The following ARB2A variants were observed in gnomAD, a reference collection of about 807,000 sequenced individuals.
ARB2A encodes cotranscriptional regulator ARB2A.
At chr5:93,856,040 C>T in the ARB2A span, among the ~76,000 whole-genome samples, 2 of 151,706 alleles carry the variant, frequency 1.3e-5, no homozygotes, top group African/African-American at 4.9e-5. Flanking sequence ...AAATTCAAAC[C>T]AAAGACAAAG....
At chr5:93,758,395 G>A in the ARB2A span, among the ~76,000 whole-genome samples, 1 of 152,066 alleles carries the variant, frequency 6.6e-6, no homozygotes, top group Non-Finnish European at 1.5e-5. Context: ...GGAACAAATG[G>A]ACTTATCAGA....
chr5:94,060,447 C>T, the ARB2A span, among the ~76,000 whole-genome samples: 1 of 152,056 alleles, frequency 6.6e-6, no homozygotes, highest in African/African-American at 2.4e-5. Flanking sequence ...AAACCACAAA[C>T]TACTAAAACT....
the ARB2A span, among the ~76,000 whole-genome samples, chr5:93,935,754 TA>T: frequency 6.6e-6 from 1 of 152,194 alleles, no homozygotes; most frequent in African/African-American, 2.4e-5. Flanking sequence ...TCATAAGAAA[TA>T]AAAGTTCATT....
At chr5:93,939,446 A>G in the ARB2A span, among the ~76,000 whole-genome samples, 1 of 152,106 alleles carries the variant, frequency 6.6e-6, no homozygotes, top group African/African-American at 2.4e-5. Context: ...ATCTACATAT[A>G]TAACCATGAA....
chr5:93,740,563 C>T, the ARB2A span: 6 of 1,578,650 alleles, frequency 3.8e-6, no homozygotes, highest in Admixed American at 1.7e-5. Flanking sequence ...CCGTGAAGGG[C>T]AAGCCCCTCA....
At chr5:93,684,416 G>C in the ARB2A span, among the ~76,000 whole-genome samples, 4 of 152,138 alleles carry the variant, frequency 2.6e-5, no homozygotes, top group African/African-American at 9.7e-5. Flanking sequence ...CAGGCTAGCT[G>C]TTATTATCAT....
At chr5:94,011,829 A>G in the ARB2A span, among the ~76,000 whole-genome samples, 2 of 147,994 alleles carry the variant, frequency 1.4e-5, no homozygotes. Context: ...CAGACATGGT[A>G]TTAGAAATTA....
the ARB2A span, among the ~76,000 whole-genome samples, chr5:93,975,278 C>T: frequency 6.9e-6 from 1 of 144,468 alleles, no homozygotes; most frequent in Non-Finnish European, 1.5e-5. Flanking sequence ...GATCATGCCA[C>T]TGCACTCCAG....
the ARB2A span, among the ~76,000 whole-genome samples, chr5:93,973,612 G>T: frequency 6.6e-6 from 1 of 152,054 alleles, no homozygotes; most frequent in African/African-American, 2.4e-5. Context: ...AAGACACACA[G>T]TCATCAGACT....
the ARB2A span, among the ~76,000 whole-genome samples, chr5:93,666,436 C>T: frequency 2.6e-5 from 4 of 151,716 alleles, no homozygotes; most frequent in African/African-American, 4.8e-5. Flanking sequence ...TATTCTCCAA[C>T]CCAGACCCCC....
At chr5:94,033,548 C>T in the ARB2A span, among the ~76,000 whole-genome samples, 5 of 152,150 alleles carry the variant, frequency 3.3e-5, no homozygotes, top group Non-Finnish European at 7.3e-5. Context: ...CCTCAGCCTC[C>T]CGAGTAGCTG....
At chr5:93,881,439 A>T in the ARB2A span, 2 of 1,512,484 alleles carry the variant, frequency 1.3e-6, no homozygotes, top group Non-Finnish European at 1.8e-6. Flanking sequence ...AGGTAAAGAA[A>T]ATAGTAAAGG....
At chr5:93,801,414 C>A in the ARB2A span, among the ~76,000 whole-genome samples, 1 of 151,992 alleles carries the variant, frequency 6.6e-6, no homozygotes, top group African/African-American at 2.4e-5. Context: ...CAGAAACCAG[C>A]CGAGTATTTT....
At chr5:93,661,689 G>C in the ARB2A span, among the ~76,000 whole-genome samples, 1 of 152,000 alleles carries the variant, frequency 6.6e-6, no homozygotes, top group Non-Finnish European at 1.5e-5. Flanking sequence ...CTCTCATAAT[G>C]TTTTTAAAAA....
At chr5:94,033,237 G>C in the ARB2A span, among the ~76,000 whole-genome samples, 1 of 152,030 alleles carries the variant, frequency 6.6e-6, no homozygotes, top group Non-Finnish European at 1.5e-5. Context: ...TACTAATACA[G>C]TTTACCCCAT....
the ARB2A span, among the ~76,000 whole-genome samples, chr5:93,727,207 G>A: frequency 1.3e-5 from 2 of 152,008 alleles, no homozygotes; most frequent in African/African-American, 2.4e-5. Flanking sequence ...AATAAACAAT[G>A]TATTCATAAA....
chr5:93,787,860 C>T, the ARB2A span, among the ~76,000 whole-genome samples: 1 of 152,224 alleles, frequency 6.6e-6, no homozygotes, highest in East Asian at 1.9e-4. Context: ...CTGACAATAG[C>T]ACTTTAAAAT....
At chr5:93,740,613 A>G in the ARB2A span, 1 of 1,602,728 alleles carries the variant, frequency 6.2e-7, no homozygotes, top group Non-Finnish European at 8.5e-7. Flanking sequence ...TGGCTGGGGC[A>G]GAGGAGTGGG....
chr5:93,952,754 C>T, the ARB2A span, among the ~76,000 whole-genome samples: 1 of 152,110 alleles, frequency 6.6e-6, no homozygotes, highest in African/African-American at 2.4e-5. Flanking sequence ...TTTGAAAAAA[C>T]TTTCTACCTC....
Sources: allele counts gnomAD v4.1 joint callset (sites outside exome capture counted in the v4.1 genomes callset), GRCh38; gene constraint gnomAD v4.1.1; transcripts MANE v1.5; gene names NCBI Gene and HGNC (gene_info 2026-07-23, HGNC 2026-07-21).